Variants in DNAH14 observed in about 807,000 individuals in gnomAD.
DNAH14 encodes axonemal beta dynein heavy chain 14.
A neutral mutation model predicts 520.9 loss-of-function variants in DNAH14; 478 were observed. The observed-to-expected ratio is 0.92, with a 90% CI of 0.85 to 0.99. DNAH14 has a LOEUF of 0.99. DNAH14 is among the 50% of genes least tolerant of loss of function. DNAH14 has a pLI of 0.00. For missense variants in DNAH14, 4,831 were observed against 5,234.5 expected (o/e 0.92, Z 2.38); for synonymous variants, 1,581 against 1,757.2 (o/e 0.90, Z 2.51).
chr1:225,317,096 T>C (rs1026046360), intron 60 of DNAH14, among the ~76,000 whole-genome samples: 3 of 152,190 alleles, frequency 2.0e-5, no homozygotes, highest in Non-Finnish European at 2.9e-5. Flanking sequence ...ACTGTTTGAA[T>C]CAATGACATT....
chr1:225,326,207 A>G (rs1221697061), intron 64 of DNAH14, among the ~76,000 whole-genome samples: 2 of 152,220 alleles, frequency 1.3e-5, no homozygotes, highest in East Asian at 3.8e-4. Context: ...AATTTTAAAG[A>G]TTTAGTAAAT....
chr1:225,364,740 T>A, intron 75 of DNAH14, 52 bp from the exon 76 acceptor site: 1 of 1,307,354 alleles, frequency 7.6e-7, no homozygotes, highest in Non-Finnish European at 1.0e-6. Flanking sequence ...TCTAAAAACA[T>A]GTTGGTTTAC....
At chr1:225,274,562 T>C (rs1041536331) in intron 52 of DNAH14, among the ~76,000 whole-genome samples, 1 of 152,236 alleles carries the variant, frequency 6.6e-6, no homozygotes, top group African/African-American at 2.4e-5. Context: ...CTAATTGTGG[T>C]TTTGATTTGC....
intron 17 of DNAH14, among the ~76,000 whole-genome samples, chr1:225,052,472 T>C (rs995471432): frequency 1.3e-5 from 2 of 152,236 alleles, no homozygotes; most frequent in Non-Finnish European, 2.9e-5. Context: ...TACGAACTTA[T>C]AATAATACCT....
At chr1:225,135,965 A>G (rs972969492) in intron 27 of DNAH14, among the ~76,000 whole-genome samples, 1 of 152,098 alleles carries the variant, frequency 6.6e-6, no homozygotes, top group Non-Finnish European at 1.5e-5. Context: ...TTTAGAAACT[A>G]GGGTTGCTAC....
At chr1:225,336,064 T>C (rs1174958619) in intron 66 of DNAH14, among the ~76,000 whole-genome samples, 1 of 124,276 alleles carries the variant, frequency 8.0e-6, no homozygotes, top group Non-Finnish European at 1.7e-5. Flanking sequence ...CATATATGTA[T>C]ACATACATAC....
At chr1:225,277,357 G>T in intron 53 of DNAH14, 53 bp from the exon 54 acceptor site, 1 of 434,072 alleles carries the variant, frequency 2.3e-6, no homozygotes, top group Non-Finnish European at 4.9e-6. Context: ...CACAATGCAC[G>T]TTTGATTTTT....
Position 225,337,545 on chromosome 1 carries a change from G to T in DNAH14, c.10311+49G>T, listed in dbSNP as rs541568448. 6.2e-5 allele frequency: 89 copies of T among 1,436,900 alleles called. 1 individual carries two copies. In the African/African-American group the frequency reaches 9.9e-4, roughly 16 times the overall value. 89.0% of individuals were successfully genotyped at this position (1,436,900 alleles called of 1,614,324 possible). ...TTCCCTTGCAGCTGATACATATGTTGTATGCACTGAGCATAAAGGCTAAAA... is the reference window on the plus strand; with the variant it reads ...TTCCCTTGCAGCTGATACATATGTTTTATGCACTGAGCATAAAGGCTAAAA... On this transcript the variant is annotated intron_variant, in intron 67 of 85. Transcript: ENST00000682510.
intron 8 of DNAH14, among the ~76,000 whole-genome samples, chr1:224,977,584 C>T (rs2061953592): frequency 6.6e-6 from 1 of 152,072 alleles, no homozygotes; most frequent in African/African-American, 2.4e-5. Context: ...ATAGATTGTT[C>T]ACAGATGTAT....
At chr1:224,993,054 C>G (rs2063161821) in intron 8 of DNAH14, among the ~76,000 whole-genome samples, 1 of 152,034 alleles carries the variant, frequency 6.6e-6, no homozygotes, top group African/African-American at 2.4e-5. Flanking sequence ...GGGTTAAATC[C>G]TAGTTGACTT....
At chr1:225,113,069 T>C (rs775511746) in intron 23 of DNAH14, among the ~76,000 whole-genome samples, 27 of 152,076 alleles carry the variant, frequency 1.8e-4, no homozygotes, top group Non-Finnish European at 2.9e-4. Context: ...AAGAGTTATG[T>C]ATTTATTGTA....
At chr1:225,137,035 G>A (rs1451138371) in intron 27 of DNAH14, among the ~76,000 whole-genome samples, 2 of 152,084 alleles carry the variant, frequency 1.3e-5, no homozygotes, top group African/African-American at 4.8e-5. Flanking sequence ...GGCTGTTCTG[G>A]CTATCAGCTC....
intron 10 of DNAH14, among the ~76,000 whole-genome samples, chr1:225,015,602 G>GA (rs1277603223): frequency 6.6e-6 from 1 of 152,010 alleles, no homozygotes; most frequent in Non-Finnish European, 1.5e-5. Flanking sequence ...ATGTGTGAGA[G>GA]AAAAAAGATA....
chr1:225,372,187 A>T (rs936761559), intron 77 of DNAH14, among the ~76,000 whole-genome samples: 11 of 152,184 alleles, frequency 7.2e-5, no homozygotes, highest in African/African-American at 2.7e-4. Flanking sequence ...TAATAATCAG[A>T]TATAATGCAG....
At position 225,257,990 on chromosome 1, in the gene DNAH14, C is replaced by A. The variant is rs2092802292; in HGVS notation, c.6896C>A (p.Ser2299Tyr). The A allele has an allele frequency of 6.5e-7, 1 of 1,547,942 alleles. No homozygotes were observed. Among genetic ancestry groups the A allele is most frequent in the South Asian group, 1.2e-5 (1 of 83,088 alleles). Residue 2299 changes from serine (S) to tyrosine (Y), a missense_variant, in exon 45 of 86, where the codon TCT becomes TAT. Transcript: ENST00000682510. ...GTSLLTNLQR[S>Y]GGNFLKITEC... is the part of the protein sequence containing the mutation. ...TCATTACTAACTAATCTTCAAAGAT[C>A]TGGCGGAAACTTCTTGAAGATAACA...
intron 23 of DNAH14, among the ~76,000 whole-genome samples, chr1:225,106,768 G>GT: frequency 6.6e-6 from 1 of 152,136 alleles, no homozygotes; most frequent in Non-Finnish European, 1.5e-5. Context: ...GGTTATTCTA[G>GT]TTAGCCATTC....
chr1:225,108,001 T>A (rs1423482748), intron 23 of DNAH14, among the ~76,000 whole-genome samples: 2 of 152,196 alleles, frequency 1.3e-5, no homozygotes, highest in Non-Finnish European at 2.9e-5. Flanking sequence ...TGTGAGGTTG[T>A]TGCCGAAGGA....
intron 23 of DNAH14, among the ~76,000 whole-genome samples, chr1:225,105,906 T>C (rs1255321315): frequency 6.6e-6 from 1 of 150,884 alleles, no homozygotes; most frequent in Non-Finnish European, 1.5e-5. Flanking sequence ...AATATCGTTA[T>C]GTGTGAATTC....
intron 20 of DNAH14, among the ~76,000 whole-genome samples, 171 bp from the exon 21 acceptor site, chr1:225,085,373 A>G (rs1352133451): frequency 6.6e-6 from 1 of 152,232 alleles, no homozygotes; most frequent in Non-Finnish European, 1.5e-5. Flanking sequence ...GCAAAGGGAT[A>G]TGTCATGAAG....
Sources: allele counts gnomAD v4.1 joint callset (sites outside exome capture counted in the v4.1 genomes callset), GRCh38; gene constraint gnomAD v4.1.1; transcripts MANE v1.5; gene names NCBI Gene and HGNC (gene_info 2026-07-23, HGNC 2026-07-21).